The following HSPH1 variants were observed in gnomAD, a reference collection of about 807,000 sequenced individuals.
The protein encoded by HSPH1 is heat shock protein family H (Hsp110) member 1.
In HSPH1, 40 loss-of-function variants were observed where a neutral mutation model predicts 100.0. The ratio of observed to expected loss-of-function variants is 0.40; its 90% CI spans 0.31 to 0.52. HSPH1 has a LOEUF of 0.52. Among genes scored for constraint, HSPH1 ranks in the 20% least tolerant of loss-of-function variants. The pLI is 0.54. For synonymous variants in HSPH1, 403 were observed against 344.0 expected (o/e 1.17, Z -1.90); for missense variants, 876 against 1,015.1 (o/e 0.86, Z 1.86).
rs539151607 is a variant in HSPH1, at chr13:31,136,432, C to T, written c.*886G>A. On this transcript the variant is annotated 3_prime_UTR_variant, in exon 18 of 18. Coordinates refer to ENST00000320027, the MANE Select transcript of HSPH1 (RefSeq NM_006644.4). ...GGGTGGCAAGATTTTAAGTTTTATTCACTTTATAGTATTTTTAAAATGCTT... is the reference window on the plus strand; with the variant it reads ...GGGTGGCAAGATTTTAAGTTTTATTTACTTTATAGTATTTTTAAAATGCTT... 4 of 152,224 alleles carry T rather than the reference C, an allele frequency of 2.6e-5. No individual in the cohort carries two copies. The highest frequency in any genetic ancestry group is 9.6e-5 in the African/African-American group (4 of 41,546). 9.4% of individuals were successfully genotyped at this position (152,224 alleles called of 1,614,324 possible).
Position 31,138,763 on chromosome 13 carries a change from A to G in HSPH1, c.2208+18T>C. 6.3e-7 allele frequency: 1 copy of G among 1,595,968 alleles called. No individual in the cohort carries two copies. The highest frequency in any genetic ancestry group is 8.5e-7 in the Non-Finnish European group (1 of 1,174,974). On this transcript the variant is annotated intron_variant, in intron 16 of 17. Transcript: ENST00000320027. The stretch of plus-strand genomic sequence containing the variant: ...ATCTAGGTTAACTTCCTCCCTATGT[A>G]CAAAAAGACTGACTCACCTTATTTC...
At chr13:31,148,504 T>C in intron 8 of HSPH1, 24 bp from the exon 9 acceptor site, 1 of 940,946 alleles carries the variant, frequency 1.1e-6, no homozygotes, top group Non-Finnish European at 1.5e-6. Flanking sequence ...AAAAAAATCA[T>C]GAGCACATGA....
intron 8 of HSPH1, 67 bp downstream of exon 8, chr13:31,149,887 C>G: frequency 8.0e-7 from 1 of 1,256,290 alleles, no homozygotes; most frequent in Non-Finnish European, 1.2e-6. Context: ...ATTATCCCAC[C>G]ATGACGACAT....
intron 17 of HSPH1, 66 bp from the exon 18 acceptor site, chr13:31,137,590 TC>T: frequency 8.9e-7 from 1 of 1,129,672 alleles, no homozygotes; most frequent in Non-Finnish European, 1.3e-6. Context: ...CAACTGCTTC[TC>T]CACATACTCA....
In HSPH1 at chr13:31,151,147, G is replaced by C. The variant is rs146776431; in HGVS notation, c.708C>G (p.Phe236Leu). 1.2e-5 allele frequency: 19 copies of C among 1,612,940 alleles called. No homozygotes were observed. Among genetic ancestry groups the C allele is most frequent in the African/African-American group, 2.7e-5 (2 of 74,842 alleles). Residue 236 changes from phenylalanine to leucine, a missense_variant, in exon 7 of 18, where the codon TTC becomes TTG. Coordinates refer to ENST00000320027, the MANE Select transcript of HSPH1 (RefSeq NM_006644.4). ...AFDPFLGGKNFDEKLVEHFCA... is the reference protein window; with the variant it reads ...AFDPFLGGKNLDEKLVEHFCA... ...AAAAATGTTCCACTAACTTTTCATC[G>C]AAGTTTTTTCCTCCTAAGAAAGGAT...
chr13:31,136,591 A>T lies in HSPH1; in HGVS notation c.*727T>A, dbSNP rs1955889118. ...GCTAGAATAATTCATATTCTCCCTC[A>T]TCTCATTTTTTAAATTAGTGACAAA... On this transcript the variant is annotated 3_prime_UTR_variant, in exon 18 of 18. Transcript: ENST00000320027. 1 of 152,604 alleles carries T rather than the reference A, an allele frequency of 6.6e-6. No homozygotes were observed. The highest frequency in any genetic ancestry group is 2.4e-5 in the African/African-American group (1 of 41,446). 9.5% of individuals were successfully genotyped at this position (152,604 alleles called of 1,614,324 possible).
At chr13:31,150,895 T>C in intron 7 of HSPH1, 52 bp downstream of exon 7, 1 of 1,550,156 alleles carries the variant, frequency 6.5e-7, no homozygotes, top group Non-Finnish European at 8.7e-7. Flanking sequence ...ACACCTGGGC[T>C]ACAGTTTCAA....
chr13:31,151,729 G>A lies in HSPH1; in HGVS notation c.543C>T (p.Tyr181=), dbSNP rs200801377. The change falls in exon 6 of 18, where the codon TAC becomes TAT. Residue 181 remains tyrosine (Y), a synonymous_variant. Coordinates refer to ENST00000320027, the MANE Select transcript of HSPH1 (RefSeq NM_006644.4). Reference sequence around the variant, plus strand: ...TTGGGAGATCCTGCTTATAAATTCCGTAATTCAAAGCAACTACAAAAAATA... The same window carrying A: ...TTGGGAGATCCTGCTTATAAATTCCATAATTCAAAGCAACTACAAAAAATA... ...MNDMTAVALN[Y]GIYKQDLPSL... 9.7e-5 allele frequency: 156 copies of A among 1,604,172 alleles called. No individual in the cohort carries two copies. The highest frequency in any genetic ancestry group is 4.5e-5 in the East Asian group (2 of 44,536).
In HSPH1 at chr13:31,139,271, A is replaced by C. The variant is rs572774431; in HGVS notation, c.1981-164T>G. ...GAGACCTTGAAAATGGCTCTCATTG[A>C]CTTAAAATATTTTATCTTAGAAGCC... is the stretch of plus-strand genomic sequence containing the variant. On this transcript the variant is annotated intron_variant, in intron 14 of 17. Transcript: ENST00000320027. The C allele has an allele frequency of 1.9e-4, 108 of 581,878 alleles. 1 individual carries two copies. The South Asian group carries it at 2.5e-3, about 13-fold the overall frequency. 36.0% of individuals were successfully genotyped at this position (581,878 alleles called of 1,614,324 possible).
At chr13:31,149,904 G>C (rs371703844) in intron 8 of HSPH1, 50 bp downstream of exon 8, 6 of 1,420,770 alleles carry the variant, frequency 4.2e-6, no homozygotes, top group African/African-American at 4.2e-5. Context: ...ACATCCAGTG[G>C]AAACTGTTTA....
chr13:31,151,509 C>G, intron 6 of HSPH1, 100 bp downstream of exon 6: 1 of 1,132,124 alleles, frequency 8.8e-7, no homozygotes, highest in Non-Finnish European at 1.2e-6. Flanking sequence ...AAATAAAACT[C>G]TTCATTACCA....
Position 31,161,690 on chromosome 13 carries a change from C to T in HSPH1, c.-108G>A. 6.5e-7 allele frequency: 1 copy of T among 1,546,930 alleles called. No homozygotes were observed. Among genetic ancestry groups the T allele is most frequent in the Non-Finnish European group, 8.7e-7 (1 of 1,152,772 alleles). ...GCCCTGGCCGCGTTCTGCTCCGGCC[C>T]GCGGGGTCTGGCCGTTCCTCTGACA... On this transcript the variant is annotated 5_prime_UTR_variant, in exon 1 of 18. Transcript: ENST00000320027.
rs762781343 is a variant in HSPH1, at chr13:31,143,868, T to A, written c.1640A>T (p.Asp547Val). 3.7e-6 allele frequency: 6 copies of A among 1,611,862 alleles called. No homozygotes were observed. The African/African-American group carries it at 4.0e-5, about 11-fold the overall frequency. Reference protein sequence around the residue: ...EAGTQPQVQTDAQQTSQSPPS... With the variant: ...EAGTQPQVQTVAQQTSQSPPS... ...GGGAGACTGTGAGGTTTGTTGAGCA[T>A]CAGTTTGTACCTGGGGCTGTGTTCC... Residue 547 changes from aspartate to valine, a missense_variant, in exon 12 of 18, where the codon GAT becomes GTT. Asp to Val is a radical substitution (Grantham distance 152). Transcript: ENST00000320027.
chr13:31,140,812 A>C, intron 13 of HSPH1: 1 of 206,368 alleles, frequency 4.8e-6, no homozygotes, highest in Non-Finnish European at 9.5e-6. Context: ...CTACTAAAAA[A>C]ATACAATGTA....
Position 31,158,867 on chromosome 13 carries a change from GA to G in HSPH1, c.108-5del. The G allele has an allele frequency of 7.1e-6, 11 of 1,556,906 alleles. No homozygotes were observed. The highest frequency in any genetic ancestry group is 2.7e-5 in the African/African-American group (2 of 73,640). ...TGATCCAAATGATATGACTGACCTA[GA>G]AAAAAATATATTCCAAAAAATTAAA... On this transcript the variant is annotated splice_region_variant and splice_polypyrimidine_tract_variant and intron_variant, in intron 1 of 17. Transcript: ENST00000320027.
chr13:31,141,067 A>T (rs986875865), intron 13 of HSPH1, 55 bp downstream of exon 13: 4 of 1,132,726 alleles, frequency 3.5e-6, no homozygotes, highest in Admixed American at 4.9e-5. Context: ...TATAGATATC[A>T]GGGCCAAGAA....
intron 11 of HSPH1, 30 bp downstream of exon 11, chr13:31,145,533 T>G: frequency 6.4e-7 from 1 of 1,572,852 alleles, no homozygotes. Flanking sequence ...TCAACTCTAT[T>G]CAAACACAAA....
intron 1 of HSPH1, among the ~76,000 whole-genome samples, chr13:31,160,606 T>C (rs573628757): frequency 4.2e-4 from 64 of 152,326 alleles, no homozygotes; most frequent in Middle Eastern, 6.8e-3. Flanking sequence ...GAAACTTGCT[T>C]TTTAAAATGT....
chr13:31,141,312 A>AAC (rs2137547180), intron 12 of HSPH1, 53 bp from the exon 13 acceptor site: 15 of 1,479,238 alleles, frequency 1.0e-5, no homozygotes, highest in Admixed American at 2.2e-5. Context: ...CACTTGGAAA[A>AAC]ACACAAAAAA....
Sources: allele counts gnomAD v4.1 joint callset (sites outside exome capture counted in the v4.1 genomes callset), GRCh38; gene constraint gnomAD v4.1.1; transcripts MANE v1.5; gene names NCBI Gene and HGNC (gene_info 2026-07-23, HGNC 2026-07-21).